AGAP1: variants seen among roughly 807,000 people sequenced by gnomAD.
The protein encoded by AGAP1 is ArfGAP with GTPase domain, ankyrin repeat and PH domain 1.
Under a neutral mutation model 105.3 loss-of-function variants are expected in AGAP1, and 29 were observed. The observed-to-expected ratio is 0.28, with a 90% CI of 0.21 to 0.38. AGAP1 has a LOEUF of 0.38. Ranked by LOEUF, AGAP1 falls within the 10% of genes least tolerant of loss-of-function variation. AGAP1 has a pLI of 1.00. For synonymous variants in AGAP1, 509 were observed against 485.9 expected (o/e 1.05, Z -0.63); for missense variants, 998 against 1,165.1 (o/e 0.86, Z 2.09).
Position 235,934,022 on chromosome 2 carries a change from C to G in AGAP1, c.1483+3099C>G, listed in dbSNP as rs1575817807. Among the ~76,000 whole-genome samples the G allele has an allele frequency of 6.6e-6, 1 of 152,192 alleles. No individual in the cohort carries two copies. The highest frequency in any genetic ancestry group is 1.9e-4 in the East Asian group (1 of 5,202). On this transcript the variant is annotated intron_variant, in intron 12 of 17. Coordinates refer to ENST00000304032, the MANE Select transcript of AGAP1 (RefSeq NM_001037131.3). This position sits in a 1 kb window ranked among gnomAD's most constrained non-coding sequence, Gnocchi z 4.9. The stretch of plus-strand genomic sequence containing the variant: ...ACAGAAGGATTAAATGTCACTTGCT[C>G]AAAGTCACATCCTGTGAGGGGCCAG...
rs2057675797 is a variant in AGAP1, at chr2:236,045,071, C to T, written c.1892-3988C>T. On this transcript the variant is annotated intron_variant, in intron 15 of 17. Coordinates refer to ENST00000304032, the MANE Select transcript of AGAP1 (RefSeq NM_001037131.3). This position sits in a 1 kb window ranked among gnomAD's most constrained non-coding sequence, Gnocchi z 6.9. ...CTGTGACTACATGTGCGTGCCACCA[C>T]GCCGACCTGATTTTTTAAATTTTTT... 6.6e-6 allele frequency among the ~76,000 whole-genome samples: 1 copy of T among 152,294 alleles called. No individual in the cohort carries two copies. Among genetic ancestry groups the T allele is most frequent in the South Asian group, 2.1e-4 (1 of 4,818 alleles).
At chr2:235,932,169 G>T (rs1483453092) in intron 12 of AGAP1, among the ~76,000 whole-genome samples, 1 of 152,216 alleles carries the variant, frequency 6.6e-6, no homozygotes, top group Non-Finnish European at 1.5e-5. Flanking sequence ...AGCGGGCCTG[G>T]TAGTCAGCCT....
rs2059450407 is a variant in AGAP1, at chr2:236,105,065, A to G, written c.2115-15127A>G. On this transcript the variant is annotated intron_variant, in intron 16 of 17. Coordinates refer to ENST00000304032, the MANE Select transcript of AGAP1 (RefSeq NM_001037131.3). This position sits in a 1 kb window ranked among gnomAD's most constrained non-coding sequence, Gnocchi z 4.2. ...TGTCCTGGCTGCTGGGTGGGAAGAT[A>G]AAGCTGAGTTCCTTCTGTCTGTCTC... 6.6e-6 allele frequency among the ~76,000 whole-genome samples: 1 copy of G among 152,016 alleles called. No homozygotes were observed. Among genetic ancestry groups the G allele is most frequent in the African/African-American group, 2.4e-5 (1 of 41,386 alleles).
chr2:235,568,536 G>A (rs192225705), intron 1 of AGAP1, among the ~76,000 whole-genome samples: 6 of 152,304 alleles, frequency 3.9e-5, no homozygotes, highest in African/African-American at 1.4e-4. Flanking sequence ...TGGCAGAACC[G>A]AGACCCAGAC....
In AGAP1 at chr2:235,951,782, G is replaced by A. The variant is rs543573698; in HGVS notation, c.1484-16680G>A. Among the ~76,000 whole-genome samples, 2 of 152,248 alleles carry A rather than the reference G, an allele frequency of 1.3e-5. No individual in the cohort carries two copies. The highest frequency in any genetic ancestry group is 4.8e-5 in the African/African-American group (2 of 41,548). On this transcript the variant is annotated intron_variant, in intron 12 of 17. Transcript: ENST00000304032. This position sits in a 1 kb window ranked among gnomAD's most constrained non-coding sequence, Gnocchi z 4.2. ...GCTGCAGATGAGTTACACCACACCA[G>A]TCTCCCAGTCCCATCACACACAGGC...
At chr2:235,512,053 G>T (rs1347700005) in intron 1 of AGAP1, among the ~76,000 whole-genome samples, 2 of 150,550 alleles carry the variant, frequency 1.3e-5, no homozygotes, top group African/African-American at 2.5e-5. Context: ...GGATGTGTGT[G>T]TGAATGCGTA....
chr2:236,073,772 G>A lies in AGAP1; in HGVS notation c.2114+24491G>A, dbSNP rs2058564929. Among the ~76,000 whole-genome samples, 1 of 152,062 alleles carries A rather than the reference G, an allele frequency of 6.6e-6. No homozygotes were observed. Among genetic ancestry groups the A allele is most frequent in the Non-Finnish European group, 1.5e-5 (1 of 68,010 alleles). On this transcript the variant is annotated intron_variant, in intron 16 of 17. Coordinates refer to ENST00000304032, the MANE Select transcript of AGAP1 (RefSeq NM_001037131.3). This position sits in a 1 kb window ranked among gnomAD's most constrained non-coding sequence, Gnocchi z 5.4. The stretch of plus-strand genomic sequence containing the variant: ...TACAGGCAGGTCAGCTTGTTCACAT[G>A]GGCTGCAAACATGGCTTTACCCCAC...
At chr2:235,673,127 TA>T (rs1269146007) in intron 1 of AGAP1, among the ~76,000 whole-genome samples, 27 of 152,264 alleles carry the variant, frequency 1.8e-4, no homozygotes, top group African/African-American at 6.3e-4. Context: ...TGCCTTTGGC[TA>T]AAATGTCTGA....
In AGAP1 at chr2:235,642,576, A is replaced by G. The variant is rs898867119; in HGVS notation, c.164-66603A>G. Among the ~76,000 whole-genome samples, 14 of 152,116 alleles carry G rather than the reference A, an allele frequency of 9.2e-5. No individual in the cohort carries two copies. Among genetic ancestry groups the G allele is most frequent in the African/African-American group, 3.1e-4 (13 of 41,424 alleles). On this transcript the variant is annotated intron_variant, in intron 1 of 17. Transcript: ENST00000304032. This position sits in a 1 kb window ranked among gnomAD's most constrained non-coding sequence, Gnocchi z 4.1. ...ACAGCTGTCGGGACCATCATCCACCAGGGGCCAGCTGTCCAGAGGCAGACC... is the reference window on the plus strand; with the variant it reads ...ACAGCTGTCGGGACCATCATCCACCGGGGGCCAGCTGTCCAGAGGCAGACC...
intron 11 of AGAP1, among the ~76,000 whole-genome samples, chr2:235,917,218 A>G (rs13031349): frequency 0.37 from 55,808 of 151,696 alleles, 10,896 homozygotes; most frequent in South Asian, 0.63. Flanking sequence ...TAAAGCCTTC[A>G]GGAGGGTTGA....
At chr2:235,656,372 G>T (rs554786503) in intron 1 of AGAP1, among the ~76,000 whole-genome samples, 1 of 152,256 alleles carries the variant, frequency 6.6e-6, no homozygotes, top group African/African-American at 2.4e-5. Flanking sequence ...TCTTTTCAAA[G>T]AATCAGTATG....
intron 13 of AGAP1, among the ~76,000 whole-genome samples, chr2:235,980,637 G>A (rs2055052715): frequency 6.6e-6 from 1 of 152,194 alleles, no homozygotes; most frequent in Non-Finnish European, 1.5e-5. Flanking sequence ...AGATCTGGCG[G>A]TTAGTTTCCA....
At chr2:235,526,781 A>G (rs1942856903) in intron 1 of AGAP1, among the ~76,000 whole-genome samples, 1 of 151,602 alleles carries the variant, frequency 6.6e-6, no homozygotes, top group South Asian at 2.1e-4. Flanking sequence ...GCTCGTTGCT[A>G]CTTTGGGTTC....
At position 235,738,749 on chromosome 2, in the gene AGAP1, G is replaced by A. The variant is rs183445161; in HGVS notation, c.311-2214G>A. The stretch of plus-strand genomic sequence containing the variant: ...ATTTTTGTATTTTTAGTAGAGACAG[G>A]GTTTCACCGTGTTGGTCATGCTGGT... On this transcript the variant is annotated intron_variant, in intron 3 of 17. Coordinates refer to ENST00000304032, the MANE Select transcript of AGAP1 (RefSeq NM_001037131.3). Among the ~76,000 whole-genome samples the A allele has an allele frequency of 2.3e-3, 356 of 151,880 alleles. 4 individuals carry two copies. The highest frequency in any genetic ancestry group is 0.02 in the East Asian group (104 of 5,146).
intron 1 of AGAP1, among the ~76,000 whole-genome samples, chr2:235,686,739 AC>A (rs1270210373): frequency 3.4e-5 from 5 of 147,090 alleles, no homozygotes; most frequent in Non-Finnish European, 7.4e-5. Context: ...ATGGTTCACA[AC>A]AGCCATGGGC....
chr2:235,914,032 T>C (rs1294935337), intron 11 of AGAP1, among the ~76,000 whole-genome samples: 1 of 152,168 alleles, frequency 6.6e-6, no homozygotes, highest in African/African-American at 2.4e-5. Flanking sequence ...TAATTTTTGG[T>C]GCATTGTGAA....
At chr2:236,030,412 G>A (rs1280024115) in intron 13 of AGAP1, among the ~76,000 whole-genome samples, 1 of 152,234 alleles carries the variant, frequency 6.6e-6, no homozygotes, top group African/African-American at 2.4e-5. Flanking sequence ...CTCCGTCCAT[G>A]GGAAGCTTTC....
rs145832548 is a variant in AGAP1 at position 235,736,854 on chromosome 2, AAACAC to A, written c.311-4099_311-4095del. Among the ~76,000 whole-genome samples, 330 of 152,266 alleles carry A rather than the reference AAACAC, an allele frequency of 2.2e-3. 6 individuals are homozygous for A. In the East Asian group the frequency reaches 0.038, roughly 17 times the overall value. ...AGACTGTGTCTCAAAAAACAAAACA[AAACAC>A]AACACAACAACAATGAAAAATCTAA... On this transcript the variant is annotated intron_variant, in intron 3 of 17. Transcript: ENST00000304032. The surrounding 1 kb of genome is among the most constrained non-coding windows in gnomAD (Gnocchi z 5.5).
At position 235,754,149 on chromosome 2, in the gene AGAP1, G is replaced by A. The variant is rs1953705229; in HGVS notation, c.673+3661G>A. Among the ~76,000 whole-genome samples, 1 of 152,134 alleles carries A rather than the reference G, an allele frequency of 6.6e-6. No homozygotes were observed. Among genetic ancestry groups the A allele is most frequent in the South Asian group, 2.1e-4 (1 of 4,828 alleles). ...AGCCTCGACTTAACCACAGCACCGG[G>A]ACATTTTGTCATTAAAATGGAAGCA... On this transcript the variant is annotated intron_variant, in intron 6 of 17. Coordinates refer to ENST00000304032, the MANE Select transcript of AGAP1 (RefSeq NM_001037131.3). This position sits in a 1 kb window ranked among gnomAD's most constrained non-coding sequence, Gnocchi z 4.6.
Sources: allele counts gnomAD v4.1 joint callset (sites outside exome capture counted in the v4.1 genomes callset), GRCh38; gene constraint gnomAD v4.1.1; non-coding constraint Gnocchi (gnomAD v3.1); transcripts MANE v1.5; gene names NCBI Gene and HGNC (gene_info 2026-07-23, HGNC 2026-07-21).